The following ANKRD11 variants were observed in gnomAD, a reference collection of about 807,000 sequenced individuals.
ANKRD11 encodes ankyrin repeat domain 11.
A neutral mutation model predicts 195.7 loss-of-function variants in ANKRD11; 17 were observed. That is an observed-to-expected ratio of 0.09 (90% CI 0.06 to 0.13). The LOEUF is 0.13. Ranked by LOEUF, ANKRD11 falls within the 10% of genes least tolerant of loss-of-function variation. ANKRD11 has a pLI of 1.00. For synonymous variants in ANKRD11, 1,953 were observed against 1,528.1 expected (o/e 1.28, Z -6.49); for missense variants, 3,735 against 3,566.1 (o/e 1.05, Z -1.21).
intron 9 of ANKRD11, chr16:89,278,868 G>A (rs1357963454): frequency 8.2e-6 from 7 of 855,618 alleles, no homozygotes; most frequent in Non-Finnish European, 1.3e-5. Flanking sequence ...GCTGGAGGAA[G>A]GACCTCGGGT....
At chr16:89,324,933 T>C (rs2037611311) in intron 2 of ANKRD11, 1 of 197,574 alleles carries the variant, frequency 5.1e-6, no homozygotes, top group Non-Finnish European at 1.0e-5. Context: ...ATCCTATTAG[T>C]GCTGTCCCTC....
Position 89,281,697 on chromosome 16 carries a change from G to T in ANKRD11, c.4845C>A (p.Ser1615=), listed in dbSNP as rs140467207. The T allele has an allele frequency of 2.5e-6, 4 of 1,614,104 alleles. No homozygotes were observed. The highest frequency in any genetic ancestry group is 3.4e-6 in the Non-Finnish European group (4 of 1,179,996). The change falls in exon 9 of 13, where the codon TCC becomes TCA. Residue 1615 remains serine, a synonymous_variant. Transcript: ENST00000301030. The surrounding 1 kb of genome is among the most constrained non-coding windows in gnomAD (Gnocchi z 5.5). ...MKQMEKLRHR[S]GDPKLKEKAK... is the part of the protein sequence containing the mutation. Reference sequence around the variant, plus strand: ...CCTTCTCCTTGAGCTTGGGGTCTCCGGACCGGTGCCTCAGCTTCTCCATTT... The same window carrying T: ...CCTTCTCCTTGAGCTTGGGGTCTCCTGACCGGTGCCTCAGCTTCTCCATTT...
At chr16:89,456,730 T>C (rs972351588) in intron 1 of ANKRD11, among the ~76,000 whole-genome samples, 3 of 152,136 alleles carry the variant, frequency 2.0e-5, no homozygotes, top group African/African-American at 2.4e-5. Context: ...GGCCATATAT[T>C]ATATGAACTC....
At chr16:89,323,358 C>T in intron 2 of ANKRD11, 1 of 1,287,020 alleles carries the variant, frequency 7.8e-7, no homozygotes, top group South Asian at 1.2e-5. Flanking sequence ...CACCACTGGC[C>T]TCTCACCTCT....
chr16:89,410,564 A>C (rs903236519), intron 2 of ANKRD11, among the ~76,000 whole-genome samples: 12 of 152,158 alleles, frequency 7.9e-5, no homozygotes, highest in African/African-American at 2.9e-4. Context: ...CCCTCTGCTT[A>C]CTGCTCTGGT....
intron 2 of ANKRD11, among the ~76,000 whole-genome samples, chr16:89,380,843 C>T (rs1043185743): frequency 2.6e-5 from 4 of 152,128 alleles, no homozygotes; most frequent in South Asian, 2.1e-4. Context: ...TGTGCAGTTC[C>T]GGCCCCAAAG....
intron 2 of ANKRD11, among the ~76,000 whole-genome samples, chr16:89,346,310 C>G (rs1204244950): frequency 6.7e-6 from 1 of 150,000 alleles, no homozygotes; most frequent in African/African-American, 2.5e-5. Flanking sequence ...AGCCACGGAG[C>G]AGATATTAAA....
chr16:89,458,143 A>C (rs146497201), intron 1 of ANKRD11, among the ~76,000 whole-genome samples: 254 of 152,318 alleles, frequency 1.7e-3, no homozygotes, highest in African/African-American at 5.9e-3. Flanking sequence ...TTAGAGGTTT[A>C]ACCAAAATAA....
intron 4 of ANKRD11, among the ~76,000 whole-genome samples, chr16:89,302,498 G>A (rs1038579806): frequency 8.5e-5 from 13 of 152,080 alleles, no homozygotes; most frequent in South Asian, 2.1e-4. Context: ...TGATCTGCCC[G>A]CCTCGGCCTC....
intron 2 of ANKRD11, among the ~76,000 whole-genome samples, chr16:89,402,229 G>T (rs2041722878): frequency 6.6e-6 from 1 of 152,158 alleles, no homozygotes; most frequent in South Asian, 2.1e-4. Context: ...GGCGAAATGT[G>T]GAACCAATTA....
At chr16:89,370,525 C>T (rs1399962385) in intron 2 of ANKRD11, 2 of 152,442 alleles carry the variant, frequency 1.3e-5, no homozygotes, top group African/African-American at 4.8e-5. Context: ...AGACCAGAGG[C>T]TGGAGCACAC....
intron 4 of ANKRD11, among the ~76,000 whole-genome samples, chr16:89,293,483 G>A (rs2035201683): frequency 6.7e-6 from 1 of 150,354 alleles, no homozygotes; most frequent in Non-Finnish European, 1.5e-5. Context: ...GCTGCGGAGG[G>A]AGGAGCTGGG....
intron 1 of ANKRD11, among the ~76,000 whole-genome samples, chr16:89,445,397 G>C (rs906817110): frequency 1.3e-5 from 2 of 152,134 alleles, no homozygotes; most frequent in African/African-American, 4.8e-5. Flanking sequence ...ATCTCCTTGG[G>C]GCGTAAGATG....
At chr16:89,302,239 C>T (rs1444579010) in intron 4 of ANKRD11, among the ~76,000 whole-genome samples, 1 of 152,326 alleles carries the variant, frequency 6.6e-6, no homozygotes, top group East Asian at 1.9e-4. Flanking sequence ...GCTGAACGCA[C>T]TGGAGTTGGA....
intron 2 of ANKRD11, among the ~76,000 whole-genome samples, chr16:89,389,133 C>G (rs1421968878): frequency 6.6e-6 from 1 of 152,116 alleles, no homozygotes; most frequent in Non-Finnish European, 1.5e-5. Context: ...ATCCTCCCAC[C>G]TCAGCCTTCT....
At chr16:89,296,758 G>A (rs1371200148) in intron 4 of ANKRD11, among the ~76,000 whole-genome samples, 1 of 152,234 alleles carries the variant, frequency 6.6e-6, no homozygotes, top group African/African-American at 2.4e-5. Context: ...AGGCCGGGAT[G>A]AGGAAGGTGT....
chr16:89,443,039 C>G (rs1382462520), intron 1 of ANKRD11, among the ~76,000 whole-genome samples: 1 of 152,224 alleles, frequency 6.6e-6, no homozygotes, highest in East Asian at 1.9e-4. Context: ...GTCATCCAGA[C>G]TGGAGTGCAA....
chr16:89,326,988 G>C (rs2037763244), intron 2 of ANKRD11, among the ~76,000 whole-genome samples: 1 of 152,040 alleles, frequency 6.6e-6, no homozygotes, highest in African/African-American at 2.4e-5. Context: ...GGGCAATGCA[G>C]AGGTGGGGAA....
Position 89,279,934 on chromosome 16 carries a change from A to G in ANKRD11, c.6608T>C (p.Leu2203Pro). 6.2e-7 allele frequency: 1 copy of G among 1,609,962 alleles called. No individual in the cohort carries two copies. The highest frequency in any genetic ancestry group is 8.5e-7 in the Non-Finnish European group (1 of 1,179,760). ...TGGCTCCCCTGAGGGCTCAGGCTCG[A>G]GCTCTGCAGGGAGCCGGGTGGAGGC... ...DQASTRLPAELEPEPSGEPKL... is the reference protein window; with the variant it reads ...DQASTRLPAEPEPEPSGEPKL... Residue 2203 changes from leucine to proline, a missense_variant, in exon 9 of 13, where the codon CTC becomes CCC. Transcript: ENST00000301030. The surrounding 1 kb of genome is among the most constrained non-coding windows in gnomAD (Gnocchi z 5.6).
Sources: allele counts gnomAD v4.1 joint callset (sites outside exome capture counted in the v4.1 genomes callset), GRCh38; gene constraint gnomAD v4.1.1; non-coding constraint Gnocchi (gnomAD v3.1); transcripts MANE v1.5; gene names NCBI Gene and HGNC (gene_info 2026-07-23, HGNC 2026-07-21).